The following KLF12 variants were observed in gnomAD, a reference collection of about 807,000 sequenced individuals.
KLF12 encodes Krueppel-like factor 12.
In KLF12, 9 loss-of-function variants were observed where a neutral mutation model predicts 37.8. That is an observed-to-expected ratio of 0.24 (90% CI 0.14 to 0.42). The LOEUF is 0.42. KLF12 is among the 10% of genes least tolerant of loss of function. The pLI is 1.00. For synonymous variants in KLF12, 208 were observed against 202.1 expected (o/e 1.03, Z -0.25); for missense variants, 411 against 516.0 (o/e 0.80, Z 1.97).
intron 5 of KLF12, among the ~76,000 whole-genome samples, chr13:73,805,801 T>G (rs1566380687): frequency 6.6e-6 from 1 of 152,044 alleles, no homozygotes; most frequent in Non-Finnish European, 1.5e-5. Context: ...AGCTGAGGCA[T>G]AAAGTTTTTT....
intron 4 of KLF12, among the ~76,000 whole-genome samples, chr13:73,819,237 G>A (rs1449149739): frequency 6.6e-6 from 1 of 152,160 alleles, no homozygotes; most frequent in African/African-American, 2.4e-5. Context: ...TTCTTCTCCT[G>A]CTACTGCTGC....
intron 3 of KLF12, among the ~76,000 whole-genome samples, chr13:73,864,565 G>T (rs7320296): frequency 0.96 from 146,293 of 152,190 alleles, 70,516 homozygotes; most frequent in Non-Finnish European, 1. Flanking sequence ...CTGAAGGAAA[G>T]CGTTTATATC....
chr13:74,282,875 T>C, the KLF12 span, among the ~76,000 whole-genome samples: 17 of 152,178 alleles, frequency 1.1e-4, no homozygotes, highest in African/African-American at 4.1e-4. Flanking sequence ...GGTTATATAC[T>C]GGCTACATGA....
intron 1 of KLF12, among the ~76,000 whole-genome samples, chr13:74,117,104 A>G (rs1172537071): frequency 3.3e-5 from 5 of 152,208 alleles, no homozygotes; most frequent in South Asian, 2.1e-4. Context: ...AGGTTTAAAG[A>G]AAGACTGATT....
chr13:73,750,799 G>A (rs1479834405), intron 6 of KLF12, among the ~76,000 whole-genome samples: 1 of 152,122 alleles, frequency 6.6e-6, no homozygotes, highest in Non-Finnish European at 1.5e-5. Flanking sequence ...TTTTTAAACT[G>A]AGTTTTTGAG....
the KLF12 span, among the ~76,000 whole-genome samples, chr13:74,184,082 C>G: frequency 6.6e-6 from 1 of 152,214 alleles, no homozygotes; most frequent in African/African-American, 2.4e-5. Context: ...TACAGAATCT[C>G]AGGCCCAGCC....
At chr13:74,088,789 GGGCTTTC>G (rs1875474336) in intron 1 of KLF12, among the ~76,000 whole-genome samples, 1 of 152,100 alleles carries the variant, frequency 6.6e-6, no homozygotes, top group East Asian at 1.9e-4. Flanking sequence ...CTTTTTTACA[GGGCTTTC>G]ATGATGACCA....
intron 1 of KLF12, among the ~76,000 whole-genome samples, chr13:74,127,361 T>C (rs1176445592): frequency 2.0e-5 from 3 of 152,170 alleles, no homozygotes; most frequent in African/African-American, 2.4e-5. Flanking sequence ...GAAAAGACCA[T>C]GATAGGGGCA....
the KLF12 span, among the ~76,000 whole-genome samples, chr13:74,161,326 G>A: frequency 6.6e-6 from 1 of 152,172 alleles, no homozygotes; most frequent in African/African-American, 2.4e-5. Flanking sequence ...AATTAGTTAA[G>A]GTTCTAAGAT....
intron 3 of KLF12, among the ~76,000 whole-genome samples, chr13:73,890,084 TTAAACATGCCCATAGTAGGAGCA>T (rs1030402935): frequency 9.2e-5 from 14 of 152,116 alleles, no homozygotes; most frequent in Admixed American, 8.5e-4. Context: ...AACACCGTCT[TTAAACATGCCCATAGTAGGAGCA>T]TATCTGGTCT....
intron 6 of KLF12, among the ~76,000 whole-genome samples, chr13:73,725,874 T>TATTC (rs1399732172): frequency 6.6e-6 from 1 of 150,508 alleles, no homozygotes; most frequent in East Asian, 1.9e-4. Flanking sequence ...TTTATTTATT[T>TATTC]ATTTATTTTT....
chr13:74,212,672 C>T, the KLF12 span, among the ~76,000 whole-genome samples: 2 of 152,008 alleles, frequency 1.3e-5, no homozygotes, highest in Admixed American at 6.6e-5. Flanking sequence ...CGCAAACTTA[C>T]ACTCAAAAAT....
intron 1 of KLF12, among the ~76,000 whole-genome samples, chr13:74,030,184 A>G (rs1207416893): frequency 6.6e-6 from 1 of 152,120 alleles, no homozygotes; most frequent in African/African-American, 2.4e-5. Flanking sequence ...GAGTGGGAGC[A>G]TATTTTGTTT....
At chr13:73,859,412 C>T (rs1190310324) in intron 3 of KLF12, among the ~76,000 whole-genome samples, 1 of 152,164 alleles carries the variant, frequency 6.6e-6, no homozygotes, top group African/African-American at 2.4e-5. Flanking sequence ...CTGAATCCAC[C>T]TCCCCATGCT....
chr13:74,278,703 C>T, the KLF12 span, among the ~76,000 whole-genome samples: 1 of 152,142 alleles, frequency 6.6e-6, no homozygotes, highest in African/African-American at 2.4e-5. Context: ...TCACCTTTTC[C>T]TAACTTTTTA....
chr13:74,232,209 G>A, the KLF12 span, among the ~76,000 whole-genome samples: 32 of 152,238 alleles, frequency 2.1e-4, no homozygotes, highest in South Asian at 5.6e-3. Context: ...TAAAGAATGG[G>A]TTATTCAACA....
chr13:74,239,995 G>GC, the KLF12 span, among the ~76,000 whole-genome samples: 7 of 150,816 alleles, frequency 4.6e-5, no homozygotes, highest in Non-Finnish European at 7.4e-5. Context: ...TATGATGTTA[G>GC]CTGGTTATTT....
intron 1 of KLF12, among the ~76,000 whole-genome samples, chr13:74,130,009 G>A (rs1289397204): frequency 6.6e-6 from 1 of 152,150 alleles, no homozygotes; most frequent in African/African-American, 2.4e-5. Flanking sequence ...CTCTGGGCTG[G>A]GCTTGGGATC....
At chr13:74,014,236 A>G (rs1892626599) in intron 1 of KLF12, among the ~76,000 whole-genome samples, 2 of 152,334 alleles carry the variant, frequency 1.3e-5, no homozygotes, top group South Asian at 4.1e-4. Flanking sequence ...TCAGCAGTTG[A>G]GGCACACCAG....
Sources: allele counts gnomAD v4.1 joint callset (sites outside exome capture counted in the v4.1 genomes callset), GRCh38; gene constraint gnomAD v4.1.1; transcripts MANE v1.5; gene names NCBI Gene and HGNC (gene_info 2026-07-23, HGNC 2026-07-21).